MAPK8IP3: variants seen among roughly 807,000 people sequenced by gnomAD.
The protein encoded by MAPK8IP3 is C-Jun-amino-terminal kinase-interacting protein 3.
MAPK8IP3 carries 49 observed loss-of-function variants against 157.8 expected under a neutral mutation model. The observed-to-expected ratio is 0.31, with a 90% CI of 0.25 to 0.39. The LOEUF (loss-of-function observed/expected upper bound fraction) is 0.39. MAPK8IP3 is among the 10% of genes least tolerant of loss of function. MAPK8IP3 has a pLI of 1.00. For missense variants in MAPK8IP3, 1,478 were observed against 1,889.4 expected, an observed-to-expected ratio of 0.78 and a Z score of 4.04; for synonymous variants, 897 against 777.7, an observed-to-expected ratio of 1.15 and a Z score of -2.55.
At chr16:1,763,600 GC>G in intron 16 of MAPK8IP3, 56 bp from the exon 17 acceptor site, 1 of 1,447,562 alleles carries the variant, frequency 6.9e-7, no homozygotes, top group Admixed American at 2.5e-5. Flanking sequence ...CAAGCCTGGG[GC>G]ACTGTGGGGG....
chr16:1,737,051 T>A (rs1486589417), intron 4 of MAPK8IP3, among the ~76,000 whole-genome samples: 11 of 71,474 alleles, frequency 1.5e-4, no homozygotes, highest in East Asian at 5.3e-4. Context: ...CGTGTGACCG[T>A]CCGTGTGAGC....
intron 1 of MAPK8IP3, among the ~76,000 whole-genome samples, chr16:1,711,101 A>G (rs2037740397): frequency 6.6e-6 from 1 of 152,258 alleles, no homozygotes; most frequent in Non-Finnish European, 1.5e-5. Flanking sequence ...TTCTTCCAAA[A>G]TTAAGATTTC....
rs529910342 is a variant in MAPK8IP3, at chr16:1,735,528, ACCGT to A, written c.602+5955_602+5958del. Among the ~76,000 whole-genome samples, 293 of 120,068 alleles carry A rather than the reference ACCGT, an allele frequency of 2.4e-3. 1 individual carries two copies. The highest frequency in any genetic ancestry group is 9.9e-3 in the African/African-American group (282 of 28,464). The allele number at this position is 120,068 out of a possible 152,430, so 78.8% of individuals were successfully genotyped here. A position where few individuals can be genotyped will look rare whatever the true frequency, so the allele number is the denominator to read the frequency against. On this transcript the variant is annotated intron_variant, in intron 4 of 31. Coordinates refer to ENST00000610761, the MANE Select transcript of MAPK8IP3 (RefSeq NM_001318852.2). ...GACCATCCGTGTGAGCAGCCGTGTG[ACCGT>A]CCGTGTGAGCGTCCGTGTGAGAGTG...
chr16:1,728,225 C>T (rs753974438), intron 2 of MAPK8IP3, among the ~76,000 whole-genome samples: 4 of 152,324 alleles, frequency 2.6e-5, no homozygotes, highest in East Asian at 3.9e-4. Flanking sequence ...CAGAGAGGCC[C>T]GTGTTGGTGT....
At chr16:1,714,566 G>A (rs968665870) in intron 1 of MAPK8IP3, among the ~76,000 whole-genome samples, 3 of 152,016 alleles carry the variant, frequency 2.0e-5, no homozygotes, top group South Asian at 2.1e-4. Flanking sequence ...TTAAAGTTTC[G>A]GGGGGCCCCT....
intron 1 of MAPK8IP3, among the ~76,000 whole-genome samples, chr16:1,716,732 G>A (rs1236059150): frequency 6.6e-6 from 1 of 151,924 alleles, no homozygotes; most frequent in Non-Finnish European, 1.5e-5. Context: ...TGGCCAACAT[G>A]GCGAAACCCC....
intron 8 of MAPK8IP3, among the ~76,000 whole-genome samples, chr16:1,750,241 T>C (rs1370481391): frequency 6.6e-6 from 1 of 151,776 alleles, no homozygotes; most frequent in African/African-American, 2.4e-5. Context: ...TTAGACAAAG[T>C]CCCGCTCTGT....
At position 1,724,507 on chromosome 16, in the gene MAPK8IP3, G is replaced by A. The variant is rs374778001; in HGVS notation, c.319-50G>A. 1.8e-5 allele frequency: 29 copies of A among 1,594,962 alleles called. No homozygotes were observed. Among genetic ancestry groups the A allele is most frequent in the African/African-American group, 2.7e-5 (2 of 74,544 alleles). ...GCGGCCCTTCAAGTGAAAGGCGGCT[G>A]CTCCACACTCACTCCTGATGACTGC... On this transcript the variant is annotated intron_variant, in intron 1 of 31. Coordinates refer to ENST00000610761, the MANE Select transcript of MAPK8IP3 (RefSeq NM_001318852.2). This position sits in a 1 kb window ranked among gnomAD's most constrained non-coding sequence, Gnocchi z 4.1.
At chr16:1,716,949 C>T (rs1455135335) in intron 1 of MAPK8IP3, among the ~76,000 whole-genome samples, 4 of 151,982 alleles carry the variant, frequency 2.6e-5, no homozygotes, top group Non-Finnish European at 4.4e-5. Flanking sequence ...ATCCCATCTA[C>T]TCAGGATGCT....
At chr16:1,738,863 G>GTGTGAGCGTGTGAGCATC (rs2040344228) in intron 4 of MAPK8IP3, among the ~76,000 whole-genome samples, 9 of 137,830 alleles carry the variant, frequency 6.5e-5, no homozygotes, top group African/African-American at 2.5e-4. Flanking sequence ...GTGAGCGTCC[G>GTGTGAGCGTGTGAGCATC]TGTGAGTGTG....
rs370304472 is a variant in MAPK8IP3, at chr16:1,724,690, C to A, written c.439+13C>A. The A allele has an allele frequency of 3.1e-6, 5 of 1,606,904 alleles. No individual in the cohort carries two copies. Among genetic ancestry groups the A allele is most frequent in the Non-Finnish European group, 3.4e-6 (4 of 1,175,492 alleles). On this transcript the variant is annotated intron_variant, in intron 2 of 31. Coordinates refer to ENST00000610761, the MANE Select transcript of MAPK8IP3 (RefSeq NM_001318852.2). The surrounding 1 kb of genome is among the most constrained non-coding windows in gnomAD (Gnocchi z 4.1). ...TATGCCGATCAGAGTAAGTGGCTGG[C>A]GGGAGCCTGGAGGCGCGCTTGATGG...
Position 1,766,458 on chromosome 16 carries a change from G to A in MAPK8IP3, c.2819+49G>A, listed in dbSNP as rs1229888979. 1 of 1,603,140 alleles carries A rather than the reference G, an allele frequency of 6.2e-7. No individual in the cohort carries two copies. Among genetic ancestry groups the A allele is most frequent in the Admixed American group, 1.7e-5 (1 of 59,806 alleles). ...AGCAGAGGGAAGGCTTGCAGAGGTG[G>A]GAAGGGCCTCGGGGTCTTGGGGCAG... On this transcript the variant is annotated intron_variant, in intron 22 of 31. Coordinates refer to ENST00000610761, the MANE Select transcript of MAPK8IP3 (RefSeq NM_001318852.2).
intron 4 of MAPK8IP3, among the ~76,000 whole-genome samples, chr16:1,735,375 C>T (rs543109799): frequency 4.9e-4 from 72 of 146,470 alleles, no homozygotes; most frequent in Admixed American, 1.8e-3. Flanking sequence ...TGAGCATCCA[C>T]GTGAGCGTTC....
intron 2 of MAPK8IP3, among the ~76,000 whole-genome samples, chr16:1,725,975 C>T (rs1351573342): frequency 3.9e-5 from 6 of 152,232 alleles, no homozygotes; most frequent in Admixed American, 6.5e-5. Flanking sequence ...CGAGCCACCG[C>T]GCCTGGCCCC....
At chr16:1,708,793 G>A (rs535312273) in intron 1 of MAPK8IP3, among the ~76,000 whole-genome samples, 47 of 152,112 alleles carry the variant, frequency 3.1e-4, no homozygotes, top group Non-Finnish European at 6.0e-4. Flanking sequence ...AAACGCTAAC[G>A]GGGCGCCCTT....
At chr16:1,748,561 C>T in intron 7 of MAPK8IP3, 41 bp from the exon 8 acceptor site, 1 of 1,524,096 alleles carries the variant, frequency 6.6e-7, no homozygotes, top group Non-Finnish European at 9.1e-7. Flanking sequence ...CCGGGCTGCC[C>T]ACTGACTCTG....
rs971253372 is a variant in MAPK8IP3, at chr16:1,742,020, T to C, written c.603-1312T>C. ...TCCAGGCATGGCCAGAGCAGGTTCC[T>C]TGAACCCCTGAGGAAGCTCCCTTCC... is the stretch of plus-strand genomic sequence containing the variant. On this transcript the variant is annotated intron_variant, in intron 4 of 31. Transcript: ENST00000610761. This position sits in a 1 kb window ranked among gnomAD's most constrained non-coding sequence, Gnocchi z 5.0. Among the ~76,000 whole-genome samples, 9 of 152,144 alleles carry C rather than the reference T, an allele frequency of 5.9e-5. No homozygotes were observed. The highest frequency in any genetic ancestry group is 2.2e-4 in the African/African-American group (9 of 41,440).
In MAPK8IP3 at chr16:1,736,078, G is replaced by T. The variant is rs555309909; in HGVS notation, c.602+6500G>T. On this transcript the variant is annotated intron_variant, in intron 4 of 31. Transcript: ENST00000610761. ...ACCGTCCGTGTGTGTGACCATCCGT[G>T]TGAGAGTGTGACCGTCCATGTGAGC... 4.2e-4 allele frequency among the ~76,000 whole-genome samples: 53 copies of T among 125,498 alleles called. 1 individual carries two copies. In the Admixed American group the frequency reaches 4.3e-3, roughly 10 times the overall value. 82.3% of individuals were successfully genotyped at this position (125,498 alleles called of 152,430 possible). A position where few individuals can be genotyped will look rare whatever the true frequency, so the allele number is the denominator to read the frequency against.
intron 15 of MAPK8IP3, 41 bp downstream of exon 15, chr16:1,762,772 G>A (rs771525457): frequency 6.3e-6 from 10 of 1,590,652 alleles, no homozygotes; most frequent in Non-Finnish European, 8.6e-6. Flanking sequence ...AGCAGCTGCA[G>A]GGGAAGGGGC....
Sources: gnomAD v4.1 joint callset for allele counts (sites outside exome capture counted in the v4.1 genomes callset) on GRCh38, gnomAD v4.1.1 for gene constraint, Gnocchi (gnomAD v3.1) non-coding constraint, MANE v1.5 for transcripts, NCBI Gene and HGNC (gene_info 2026-07-23, HGNC 2026-07-21) for gene names.